The following RHEX variants were observed in gnomAD, a reference collection of about 807,000 sequenced individuals.
RHEX encodes regulator of hemoglobinization and erythroid cell expansion.
Under a neutral mutation model 20.1 loss-of-function variants are expected in RHEX, and 18 were observed. The observed-to-expected ratio is 0.90, with a 90% CI of 0.62 to 1.33. The LOEUF (loss-of-function observed/expected upper bound fraction) is 1.33. Ranked by LOEUF, RHEX falls within the 40% of genes most tolerant of loss-of-function variation. The pLI, the probability that RHEX is intolerant of heterozygous loss-of-function variation, is 0.00. For missense variants in RHEX, 192 were observed against 214.3 expected, an observed-to-expected ratio of 0.90 and a Z score of 0.65; for synonymous variants, 87 against 77.1, an observed-to-expected ratio of 1.13 and a Z score of -0.67.
chr1:206,085,149 C>T (rs1326950114), intron 1 of RHEX, among the ~76,000 whole-genome samples: 4 of 152,074 alleles, frequency 2.6e-5, no homozygotes, highest in Admixed American at 6.6e-5. Flanking sequence ...AGGAGAAAAG[C>T]GAAACTCTGA....
In RHEX at chr1:206,066,044, C is replaced by A. The variant is rs1196678227; in HGVS notation, c.-97+12779C>A. ...CTGGATGTGTTCAGCACCTTTGGTC[C>A]CTCCAGGGATTTCTGAAGATTCTCA... On this transcript the variant is annotated intron_variant, in intron 1 of 5. Transcript: ENST00000331555. Among the ~76,000 whole-genome samples the A allele has an allele frequency of 1.2e-4, 18 of 152,232 alleles. 1 individual carries two copies. Among genetic ancestry groups the A allele is most frequent in the Admixed American group, 1.2e-3 (18 of 15,292 alleles).
intron 1 of RHEX, among the ~76,000 whole-genome samples, chr1:206,084,440 C>T (rs892756280): frequency 1.3e-5 from 2 of 152,188 alleles, no homozygotes; most frequent in Non-Finnish European, 2.9e-5. Context: ...CCTTATTTTC[C>T]AGTTGAAGAA....
intron 3 of RHEX, among the ~76,000 whole-genome samples, chr1:206,098,742 A>G (rs1438297714): frequency 2.6e-5 from 4 of 152,206 alleles, no homozygotes; most frequent in African/African-American, 7.2e-5. Flanking sequence ...GTCTACCTTC[A>G]TTCATTCATT....
chr1:206,058,616 T>C (rs2102303741), intron 1 of RHEX, among the ~76,000 whole-genome samples: 1 of 152,356 alleles, frequency 6.6e-6, no homozygotes, highest in South Asian at 2.1e-4. Context: ...GAAACTGATG[T>C]TATTCATAGA....
chr1:206,091,854 C>T (rs1398105716), intron 1 of RHEX, among the ~76,000 whole-genome samples: 1 of 152,044 alleles, frequency 6.6e-6, no homozygotes, highest in Non-Finnish European at 1.5e-5. Flanking sequence ...TATATATATA[C>T]CTCCATATTC....
At chr1:206,079,618 C>T (rs142126702) in intron 1 of RHEX, among the ~76,000 whole-genome samples, 393 of 152,100 alleles carry the variant, frequency 2.6e-3, no homozygotes, top group African/African-American at 8.9e-3. Flanking sequence ...TGCAGTGGTG[C>T]GATCTCAACT....
At position 206,070,270 on chromosome 1, in the gene RHEX, G is replaced by T. The variant is rs546530000; in HGVS notation, c.-97+17005G>T. On this transcript the variant is annotated intron_variant, in intron 1 of 5. Coordinates refer to ENST00000331555, the MANE Select transcript of RHEX (RefSeq NM_001007544.4). ...GCAGGGAGAGCTGCCTTTCTCTCCT[G>T]CCATCCCCCTATATCCACGGCTTCT... 7.9e-5 allele frequency among the ~76,000 whole-genome samples: 12 copies of T among 152,240 alleles called. No individual in the cohort carries two copies. The South Asian group carries it at 1.9e-3, about 24-fold the overall frequency.
intron 1 of RHEX, among the ~76,000 whole-genome samples, chr1:206,094,574 T>C (rs766251881): frequency 6.6e-6 from 1 of 152,230 alleles, no homozygotes; most frequent in Admixed American, 6.5e-5. Flanking sequence ...ATTATTCTTC[T>C]CACTTTATAG....
chr1:206,085,219 A>G (rs900461734), intron 1 of RHEX, among the ~76,000 whole-genome samples: 1 of 152,210 alleles, frequency 6.6e-6, no homozygotes, highest in East Asian at 1.9e-4. Context: ...TTTAATAGCA[A>G]TGTGTACAGA....
intron 1 of RHEX, among the ~76,000 whole-genome samples, chr1:206,081,048 C>T (rs1662727494): frequency 6.7e-6 from 1 of 149,958 alleles, no homozygotes; most frequent in Non-Finnish European, 1.5e-5. Context: ...TGTATGTTGC[C>T]CAGGCTGGTC....
intron 2 of RHEX, 89 bp from the exon 3 acceptor site, chr1:206,097,992 T>C: frequency 8.2e-7 from 1 of 1,223,976 alleles, no homozygotes. Context: ...CAATGCCAGA[T>C]GTCTGCCTCC....
intron 1 of RHEX, among the ~76,000 whole-genome samples, chr1:206,090,291 C>T (rs930137131): frequency 4.7e-5 from 7 of 148,272 alleles, no homozygotes; most frequent in East Asian, 2.0e-4. Flanking sequence ...ACTGCAATCT[C>T]GTCTCCTAGG....
chr1:206,079,262 T>C (rs1317084255), intron 1 of RHEX, among the ~76,000 whole-genome samples: 3 of 152,170 alleles, frequency 2.0e-5, no homozygotes, highest in African/African-American at 7.2e-5. Flanking sequence ...AAAGTGATAA[T>C]TCATTGCTAT....
At chr1:206,056,165 G>A (rs1662191573) in intron 1 of RHEX, among the ~76,000 whole-genome samples, 1 of 152,174 alleles carries the variant, frequency 6.6e-6, no homozygotes, top group Non-Finnish European at 1.5e-5. Context: ...ACTGTGTAGA[G>A]GTATTGGACT....
intron 1 of RHEX, among the ~76,000 whole-genome samples, chr1:206,053,761 G>A (rs188397301): frequency 1.6e-4 from 25 of 152,304 alleles, no homozygotes; most frequent in Non-Finnish European, 2.5e-4. Context: ...AAGGTAACCC[G>A]TAAGCCAAGG....
intron 1 of RHEX, among the ~76,000 whole-genome samples, chr1:206,071,874 AAG>A (rs1161240223): frequency 1.6e-3 from 246 of 151,926 alleles, no homozygotes; most frequent in African/African-American, 5.7e-3. Flanking sequence ...AAAAAAAAAA[AAG>A]AAAAAGAAAG....
chr1:206,096,487 A>G (rs567920393), intron 1 of RHEX, among the ~76,000 whole-genome samples: 11 of 152,362 alleles, frequency 7.2e-5, no homozygotes, highest in African/African-American at 2.2e-4. Flanking sequence ...CTCTTCTGGT[A>G]AAGTCCAGTC....
rs542160934 is a variant in RHEX at position 206,100,128 on chromosome 1, G to A, written c.256+330G>A. ...TTCGGATTGATCAGCTAATGGTGGA[G>A]TTAAAATTTCACCTGCCTCTGCCTG... On this transcript the variant is annotated intron_variant, in intron 4 of 5. Coordinates refer to ENST00000331555, the MANE Select transcript of RHEX (RefSeq NM_001007544.4). 1.4e-4 allele frequency among the ~76,000 whole-genome samples: 21 copies of A among 152,286 alleles called. No homozygotes were observed. In the East Asian group the frequency reaches 4.1e-3, roughly 29 times the overall value.
intron 2 of RHEX, 36 bp from the exon 3 acceptor site, chr1:206,098,045 C>A (rs1663111033): frequency 1.3e-6 from 2 of 1,500,822 alleles, no homozygotes; most frequent in Non-Finnish European, 1.9e-6. Context: ...CACATCCTTG[C>A]AATCTCTGAC....
Sources: gnomAD v4.1 joint callset for allele counts (sites outside exome capture counted in the v4.1 genomes callset) on GRCh38, gnomAD v4.1.1 for gene constraint, MANE v1.5 for transcripts, NCBI Gene and HGNC (gene_info 2026-07-23, HGNC 2026-07-21) for gene names.